The following NCOA2 variants were observed in gnomAD, a reference collection of about 807,000 sequenced individuals.
NCOA2 encodes the protein nuclear receptor coactivator 2, also known as class E basic helix-loop-helix protein 75.
NCOA2 carries 21 observed loss-of-function variants against 145.1 expected under a neutral mutation model. The observed-to-expected ratio is 0.14, with a 90% CI of 0.10 to 0.21. The LOEUF (loss-of-function observed/expected upper bound fraction) is 0.21, where lower values mean the gene tolerates loss of function less well. NCOA2 is among the 10% of genes least tolerant of loss of function. The pLI is 1.00. For missense variants in NCOA2, 1,472 were observed against 1,837.6 expected, an observed-to-expected ratio of 0.80 and a Z score of 3.64; for synonymous variants, 619 against 637.5, an observed-to-expected ratio of 0.97 and a Z score of 0.44.
At chr8:70,287,376 G>C (rs953303063) in intron 2 of NCOA2, among the ~76,000 whole-genome samples, 1 of 151,996 alleles carries the variant, frequency 6.6e-6, no homozygotes, top group Non-Finnish European at 1.5e-5. Flanking sequence ...ACAAAAGAAT[G>C]TACTCTTTTC....
chr8:70,218,681 G>C (rs758475493), intron 2 of NCOA2, among the ~76,000 whole-genome samples: 1 of 152,086 alleles, frequency 6.6e-6, no homozygotes, highest in Non-Finnish European at 1.5e-5. Context: ...AATTCCCATG[G>C]TTTCAATCAT....
intron 14 of NCOA2, among the ~76,000 whole-genome samples, chr8:70,140,336 C>T (rs1810251809): frequency 6.6e-6 from 1 of 152,156 alleles, no homozygotes; most frequent in South Asian, 2.1e-4. Flanking sequence ...CAGATTTGCT[C>T]ATTCTGGACA....
chr8:70,338,831 T>C (rs1586537930), intron 1 of NCOA2, among the ~76,000 whole-genome samples: 1 of 152,068 alleles, frequency 6.6e-6, no homozygotes, highest in African/African-American at 2.4e-5. Context: ...CTACATAAAC[T>C]GCACTAAAGA....
chr8:70,170,690 T>C (rs1814151148), intron 5 of NCOA2, among the ~76,000 whole-genome samples: 1 of 152,168 alleles, frequency 6.6e-6, no homozygotes, highest in African/African-American at 2.4e-5. Context: ...CAGACATTCA[T>C]CTGTATTTTC....
At chr8:70,420,267 T>A in the NCOA2 span, among the ~76,000 whole-genome samples, 38 of 152,366 alleles carry the variant, frequency 2.5e-4, no homozygotes, top group Middle Eastern at 3.4e-3. Flanking sequence ...CTTTCCCAAC[T>A]GGACTTATTT....
the NCOA2 span, among the ~76,000 whole-genome samples, chr8:70,441,220 G>A: frequency 0.2 from 28,364 of 140,384 alleles, 2,957 homozygotes; most frequent in East Asian, 0.38. Flanking sequence ...TGGGAGAAAA[G>A]GAAGAAGAAA....
chr8:70,115,282 G>C (rs1251722694), intron 22 of NCOA2, among the ~76,000 whole-genome samples: 1 of 152,104 alleles, frequency 6.6e-6, no homozygotes, highest in Non-Finnish European at 1.5e-5. Flanking sequence ...TCCCGGAGAA[G>C]TATTTATACC....
At chr8:70,424,966 T>G in the NCOA2 span, among the ~76,000 whole-genome samples, 2 of 152,222 alleles carry the variant, frequency 1.3e-5, no homozygotes, top group East Asian at 3.8e-4. Flanking sequence ...TCCAGGCTGC[T>G]GAAGTGAGGG....
chr8:70,184,803 C>T (rs1815872281), intron 4 of NCOA2, among the ~76,000 whole-genome samples: 1 of 152,192 alleles, frequency 6.6e-6, no homozygotes, highest in Non-Finnish European at 1.5e-5. Flanking sequence ...TGCAAGGCTT[C>T]ACACCCAGGC....
chr8:70,453,936 A>C, the NCOA2 span, among the ~76,000 whole-genome samples: 1 of 152,212 alleles, frequency 6.6e-6, no homozygotes, highest in African/African-American at 2.4e-5. Flanking sequence ...AAGCGCTATG[A>C]GTTTAGGAGG....
intron 6 of NCOA2, among the ~76,000 whole-genome samples, chr8:70,168,321 TTTA>T (rs1813860888): frequency 6.6e-6 from 1 of 152,200 alleles, no homozygotes; most frequent in Admixed American, 6.5e-5. Context: ...AGCATTTTAT[TTTA>T]TTATTATTAC....
intron 4 of NCOA2, among the ~76,000 whole-genome samples, chr8:70,212,745 A>ATTTTG (rs1819173327): frequency 1.3e-5 from 2 of 152,150 alleles, no homozygotes; most frequent in Non-Finnish European, 2.9e-5. Flanking sequence ...TATTATATAA[A>ATTTTG]AGGCAGATTT....
intron 2 of NCOA2, among the ~76,000 whole-genome samples, chr8:70,256,911 G>A (rs1206896606): frequency 6.6e-6 from 1 of 152,136 alleles, no homozygotes; most frequent in Non-Finnish European, 1.5e-5. Flanking sequence ...TCCCCTTTTA[G>A]AGATGAAAAA....
chr8:70,230,482 C>G (rs1203002174), intron 2 of NCOA2, among the ~76,000 whole-genome samples: 1 of 152,138 alleles, frequency 6.6e-6, no homozygotes, highest in African/African-American at 2.4e-5. Flanking sequence ...AATTATATCT[C>G]AAGAAAGCTA....
intron 1 of NCOA2, among the ~76,000 whole-genome samples, chr8:70,379,316 C>T (rs531953922): frequency 3.3e-5 from 5 of 152,084 alleles, no homozygotes; most frequent in Admixed American, 6.5e-5. Flanking sequence ...TTGATAAGGA[C>T]GGGACAAACC....
At chr8:70,303,790 G>A (rs1053564273) in intron 1 of NCOA2, among the ~76,000 whole-genome samples, 7 of 151,864 alleles carry the variant, frequency 4.6e-5, no homozygotes, top group Non-Finnish European at 2.9e-5. Context: ...ACAGAATTAC[G>A]GCGGAGGGGG....
chr8:70,337,405 T>C (rs1483710960), intron 1 of NCOA2, among the ~76,000 whole-genome samples: 2 of 152,172 alleles, frequency 1.3e-5, no homozygotes, highest in Non-Finnish European at 2.9e-5. Context: ...CCTTTCTGAA[T>C]AGGCAACAGA....
At chr8:70,281,003 T>G (rs1825829636) in intron 2 of NCOA2, among the ~76,000 whole-genome samples, 1 of 151,604 alleles carries the variant, frequency 6.6e-6, no homozygotes, top group South Asian at 2.1e-4. Context: ...CACATCTGCA[T>G]CCTGGCTATG....
At chr8:70,259,027 A>G (rs1041083672) in intron 2 of NCOA2, among the ~76,000 whole-genome samples, 50 of 152,332 alleles carry the variant, frequency 3.3e-4, no homozygotes, top group Middle Eastern at 3.4e-3. Context: ...TGTGTGCAGT[A>G]TTCTTTGACT....
Sources: gnomAD v4.1 joint callset for allele counts (sites outside exome capture counted in the v4.1 genomes callset) on GRCh38, gnomAD v4.1.1 for gene constraint, MANE v1.5 for transcripts, NCBI Gene and HGNC (gene_info 2026-07-23, HGNC 2026-07-21) for gene names.